The following TEX36 variants were observed in gnomAD, a reference collection of about 807,000 sequenced individuals.
TEX36 encodes testis-expressed protein 36.
In TEX36, 12 loss-of-function variants were observed where a neutral mutation model predicts 13.6. The ratio of observed to expected loss-of-function variants is 0.88; its 90% CI spans 0.56 to 1.43. The LOEUF is 1.43. TEX36 is among the 40% of genes most tolerant of loss of function. TEX36 has a pLI of 0.00. For synonymous variants in TEX36, 93 were observed against 83.0 expected (o/e 1.12, Z -0.65); for missense variants, 224 against 228.3 (o/e 0.98, Z 0.12).
At chr10:125,636,626 C>T (rs1846627222) in intron 3 of TEX36, among the ~76,000 whole-genome samples, 1 of 152,096 alleles carries the variant, frequency 6.6e-6, no homozygotes, top group African/African-American at 2.4e-5. Flanking sequence ...TTTCTAAACC[C>T]GTGTTCCAGT....
intron 3 of TEX36, among the ~76,000 whole-genome samples, chr10:125,587,774 C>G (rs971873262): frequency 3.6e-5 from 5 of 137,850 alleles, no homozygotes; most frequent in African/African-American, 8.2e-5. Context: ...GAGCGAAGCT[C>G]TGTCTCAAAA....
At chr10:125,647,062 A>G (rs1490441534) in intron 3 of TEX36, among the ~76,000 whole-genome samples, 1 of 152,250 alleles carries the variant, frequency 6.6e-6, no homozygotes, top group Non-Finnish European at 1.5e-5. Flanking sequence ...ATAATACCTC[A>G]TAACAAATAG....
At chr10:125,623,655 A>G (rs1846452775) in intron 3 of TEX36, among the ~76,000 whole-genome samples, 1 of 151,612 alleles carries the variant, frequency 6.6e-6, no homozygotes, top group Non-Finnish European at 1.5e-5. Flanking sequence ...GGAAGGTGCG[A>G]GGCCCTGTAC....
intron 3 of TEX36, among the ~76,000 whole-genome samples, chr10:125,636,384 T>TTATA (rs1555003102): frequency 1.3e-5 from 2 of 150,838 alleles, no homozygotes; most frequent in East Asian, 3.9e-4. Flanking sequence ...TTTTTTTTTT[T>TTATA]TATATATTTT....
In TEX36 at chr10:125,682,998, G is replaced by A. The variant is rs1259091862; in HGVS notation, c.-9C>T. The A allele has an allele frequency of 1.9e-6, 3 of 1,551,602 alleles. No homozygotes were observed. The highest frequency in any genetic ancestry group is 1.4e-5 in the African/African-American group (1 of 73,040). Reference sequence around the variant, plus strand: ...CGTCGCCCTTTGGTCATTCTCTCCAGGAAGCTGAATGTGGCTGAGATTGGC... The same window carrying A: ...CGTCGCCCTTTGGTCATTCTCTCCAAGAAGCTGAATGTGGCTGAGATTGGC... On this transcript the variant is annotated 5_prime_UTR_variant, in exon 1 of 4. Transcript: ENST00000368821.
intron 1 of TEX36, among the ~76,000 whole-genome samples, chr10:125,681,408 G>C (rs141183149): frequency 1.3e-5 from 2 of 152,356 alleles, no homozygotes; most frequent in Non-Finnish European, 2.9e-5. Flanking sequence ...TAGCTAGAGG[G>C]AAAGCTACTT....
At chr10:125,675,077 C>T (rs1847291324) in intron 1 of TEX36, among the ~76,000 whole-genome samples, 1 of 150,734 alleles carries the variant, frequency 6.6e-6, no homozygotes, top group Admixed American at 6.6e-5. Context: ...GGTTCAGTCC[C>T]AGGGAGACAA....
intron 3 of TEX36, among the ~76,000 whole-genome samples, chr10:125,648,594 C>T (rs1002701424): frequency 6.6e-6 from 1 of 152,170 alleles, no homozygotes; most frequent in Admixed American, 6.5e-5. Flanking sequence ...AATCAGAGTG[C>T]CTCTTCTCCA....
chr10:125,577,404 T>C (rs1247403729), intron 3 of TEX36, among the ~76,000 whole-genome samples: 2 of 152,054 alleles, frequency 1.3e-5, no homozygotes, highest in African/African-American at 2.4e-5. Context: ...AGGCTTGAGG[T>C]GGGAGCATCA....
rs893230449 is a variant in TEX36 at position 125,587,882 on chromosome 10, T to C, written c.265-11008A>G. Among the ~76,000 whole-genome samples, 8 of 151,124 alleles carry C rather than the reference T, an allele frequency of 5.3e-5. No homozygotes were observed. In the East Asian group the frequency reaches 1.6e-3, roughly 29 times the overall value. ...TCCTTCTCATTATAACTATAACAAG[T>C]AATAGTTCTTCTGTGCCTTGCTTTT... On this transcript the variant is annotated intron_variant, in intron 3 of 3. Coordinates refer to the TEX36 transcript ENST00000532135.
rs1235664634 is a variant in TEX36, at chr10:125,608,988, A to AG, written c.265-32115_265-32114insC. 3.1e-3 allele frequency among the ~76,000 whole-genome samples: 416 copies of AG among 134,478 alleles called. 1 individual carries two copies. The highest frequency in any genetic ancestry group is 5.2e-3 in the Non-Finnish European group (341 of 65,110). The allele number at this position is 134,478 out of a possible 152,430, so 88.2% of individuals were successfully genotyped here. ...CACCTCTACTAAAAAAAAAAAAAAA[A>AG]AAAGAAAGAAAAGAAAAGAAAAAAA... On this transcript the variant is annotated intron_variant, in intron 3 of 3. Coordinates refer to the TEX36 transcript ENST00000532135.
At chr10:125,649,957 T>C (rs1846828287) in intron 3 of TEX36, among the ~76,000 whole-genome samples, 1 of 152,150 alleles carries the variant, frequency 6.6e-6, no homozygotes, top group Non-Finnish European at 1.5e-5. Context: ...CTATCCTAAA[T>C]ATATATGCAC....
At chr10:125,648,777 G>A (rs1846810213) in intron 3 of TEX36, among the ~76,000 whole-genome samples, 1 of 152,064 alleles carries the variant, frequency 6.6e-6, no homozygotes, top group Non-Finnish European at 1.5e-5. Context: ...TTAGATGAAA[G>A]GCTAACTAGA....
chr10:125,639,951 A>C (rs536718731), intron 3 of TEX36, among the ~76,000 whole-genome samples: 1 of 152,234 alleles, frequency 6.6e-6, no homozygotes, highest in African/African-American at 2.4e-5. Flanking sequence ...CAAAGGCTAT[A>C]AACAGCAGAA....
At chr10:125,671,079 A>G (rs1029390933) in intron 1 of TEX36, among the ~76,000 whole-genome samples, 4 of 152,138 alleles carry the variant, frequency 2.6e-5, no homozygotes, top group Admixed American at 1.3e-4. Context: ...CCATCTGCAA[A>G]CAGACAGTTT....
intron 3 of TEX36, among the ~76,000 whole-genome samples, chr10:125,637,372 A>T (rs1846635057): frequency 6.6e-6 from 1 of 152,046 alleles, no homozygotes; most frequent in Admixed American, 6.5e-5. Context: ...TTCACTTAAC[A>T]TAAGATCTTC....
At chr10:125,648,131 G>T (rs1846800798) in intron 3 of TEX36, among the ~76,000 whole-genome samples, 1 of 152,234 alleles carries the variant, frequency 6.6e-6, no homozygotes, top group Non-Finnish European at 1.5e-5. Context: ...AAATGTCCCT[G>T]TCTGACAGCT....
In TEX36 at chr10:125,607,165, A is replaced by G. The variant is rs1036341011; in HGVS notation, c.265-30291T>C. 2.0e-5 allele frequency among the ~76,000 whole-genome samples: 3 copies of G among 152,346 alleles called. No individual in the cohort carries two copies. In the East Asian group the frequency reaches 5.8e-4, roughly 29 times the overall value. On this transcript the variant is annotated intron_variant, in intron 3 of 3. Transcript: ENST00000532135. ...AGAGCAAACCTAGCTGAGATCTAAAATTACTTTAGGAGCTTACCAAAAAGT... is the reference window on the plus strand; with the variant it reads ...AGAGCAAACCTAGCTGAGATCTAAAGTTACTTTAGGAGCTTACCAAAAAGT...
intron 3 of TEX36, among the ~76,000 whole-genome samples, chr10:125,643,773 T>C (rs1159879956): frequency 2.7e-5 from 4 of 149,962 alleles, no homozygotes; most frequent in Non-Finnish European, 5.9e-5. Context: ...AAAAATTAGC[T>C]GGGCATGGTG....
Sources: gnomAD v4.1 joint callset for allele counts (sites outside exome capture counted in the v4.1 genomes callset) on GRCh38, gnomAD v4.1.1 for gene constraint, MANE v1.5 for transcripts, NCBI Gene and HGNC (gene_info 2026-07-23, HGNC 2026-07-21) for gene names.